NOC3L: variants seen among roughly 807,000 people sequenced by gnomAD.
The protein encoded by NOC3L is nucleolar complex protein 3 homolog.
NOC3L carries 85 observed loss-of-function variants against 102.5 expected under a neutral mutation model. The ratio of observed to expected loss-of-function variants is 0.83; its 90% confidence interval spans 0.70 to 0.99. NOC3L has a LOEUF of 0.99. NOC3L is among the 50% of genes least tolerant of loss of function. The pLI, the probability that NOC3L is intolerant of heterozygous loss-of-function variation, is 0.00. For synonymous variants in NOC3L, 303 were observed against 309.4 expected, an observed-to-expected ratio of 0.98 and a Z score of 0.22; for missense variants, 878 against 914.9, an observed-to-expected ratio of 0.96 and a Z score of 0.52.
chr10:94,349,461 AG>A, intron 9 of NOC3L, 83 bp from the exon 10 acceptor site: 3 of 1,272,454 alleles, frequency 2.4e-6, no homozygotes, highest in Non-Finnish European at 3.2e-6. Flanking sequence ...TCTTTGTTGT[AG>A]GGGGACTGTC....
chr10:94,325,992 T>C, the NOC3L span, among the ~76,000 whole-genome samples: 1 of 152,190 alleles, frequency 6.6e-6, no homozygotes, highest in Non-Finnish European at 1.5e-5. Context: ...GACTGCTTGA[T>C]AGTCACACAA....
intron 14 of NOC3L, among the ~76,000 whole-genome samples, chr10:94,340,763 C>T (rs374400818): frequency 1.6e-3 from 245 of 151,934 alleles, no homozygotes; most frequent in African/African-American, 5.1e-3. Flanking sequence ...GGGCAGATCA[C>T]GAGGTCAGGA....
chr10:94,339,368 T>C (rs567922253), intron 17 of NOC3L, among the ~76,000 whole-genome samples: 2 of 152,290 alleles, frequency 1.3e-5, no homozygotes, highest in East Asian at 1.9e-4. Context: ...GTAGTGACAT[T>C]ATAATGTGTT....
chr10:94,321,828 T>C, the NOC3L span: 1 of 1,145,252 alleles, frequency 8.7e-7, no homozygotes, highest in Non-Finnish European at 1.3e-6. Context: ...CAAGCTCAGA[T>C]TTTTGCTAGA....
chr10:94,345,177 C>A lies in NOC3L; in HGVS notation c.1390-244G>T, dbSNP rs115217284. Among the ~76,000 whole-genome samples, 1,075 of 152,092 alleles carry A rather than the reference C, an allele frequency of 7.1e-3. 10 individuals carry two copies. The highest frequency in any genetic ancestry group is 0.024 in the African/African-American group (1,016 of 41,512). ...GAGAAAAGAAATTCCTACTCTCTCA[C>A]CTATGGTTTCTTTCTTTTCCAGGAA... On this transcript the variant is annotated intron_variant, in intron 11 of 20. Transcript: ENST00000371361.
chr10:94,358,460 A>C (rs1325199833), intron 2 of NOC3L, among the ~76,000 whole-genome samples: 1 of 152,218 alleles, frequency 6.6e-6, no homozygotes, highest in African/African-American at 2.4e-5. Flanking sequence ...GGATGTTCTG[A>C]GTCTGGAAAA....
At chr10:94,354,923 T>C (rs774356372) in intron 6 of NOC3L, 40 bp downstream of exon 6, 11 of 1,593,556 alleles carry the variant, frequency 6.9e-6, no homozygotes, top group African/African-American at 6.7e-5. Flanking sequence ...ATTTACACCA[T>C]ACCTAATACA....
intron 10 of NOC3L, among the ~76,000 whole-genome samples, chr10:94,348,607 T>TA (rs2054376296): frequency 6.6e-6 from 1 of 151,734 alleles, no homozygotes; most frequent in Non-Finnish European, 1.5e-5. Context: ...TAAAAAAAGT[T>TA]TATATATATA....
At chr10:94,320,967 T>G in the NOC3L span, among the ~76,000 whole-genome samples, 1 of 152,242 alleles carries the variant, frequency 6.6e-6, no homozygotes, top group Non-Finnish European at 1.5e-5. Context: ...AAAGTTTGGT[T>G]TTTCTTATTG....
chr10:94,320,840 A>G, the NOC3L span, among the ~76,000 whole-genome samples: 13 of 152,328 alleles, frequency 8.5e-5, no homozygotes, highest in African/African-American at 3.1e-4. Flanking sequence ...ACATAGTCAC[A>G]TACACAAAAA....
intron 17 of NOC3L, among the ~76,000 whole-genome samples, chr10:94,339,226 T>C (rs1414404392): frequency 1.3e-5 from 2 of 152,150 alleles, no homozygotes; most frequent in African/African-American, 4.8e-5. Flanking sequence ...ACATGTACAA[T>C]AGGAACAAGA....
chr10:94,317,322 A>G, the NOC3L span, among the ~76,000 whole-genome samples: 3 of 152,184 alleles, frequency 2.0e-5, no homozygotes, highest in Non-Finnish European at 2.9e-5. Context: ...ATAAATAAAA[A>G]CATACCTTAT....
intron 9 of NOC3L, 113 bp from the exon 10 acceptor site, chr10:94,349,491 T>A: frequency 1.2e-6 from 1 of 854,850 alleles, no homozygotes; most frequent in Non-Finnish European, 1.7e-6. Context: ...TTTAAAAGCC[T>A]CCATGGACTT....
chr10:94,315,709 G>T, the NOC3L span, among the ~76,000 whole-genome samples: 2 of 148,834 alleles, frequency 1.3e-5, no homozygotes, highest in Non-Finnish European at 3.0e-5. Context: ...GGCGGAGGTT[G>T]CAGTGAGCCG....
At chr10:94,352,793 G>A (rs2054435801) in intron 7 of NOC3L, 103 bp downstream of exon 7, 3 of 989,224 alleles carry the variant, frequency 3.0e-6, no homozygotes, top group Non-Finnish European at 4.5e-6. Context: ...CTGCACTCTA[G>A]TCTGGGCGAC....
intron 9 of NOC3L, 62 bp from the exon 10 acceptor site, chr10:94,349,440 G>A: frequency 6.8e-7 from 1 of 1,461,688 alleles, no homozygotes; most frequent in Non-Finnish European, 9.2e-7. Flanking sequence ...TGACGTTTTG[G>A]GTAACAGAAT....
At position 94,352,525 on chromosome 10, in the gene NOC3L, C is replaced by T. The variant is rs2054431919; in HGVS notation, c.859-122G>A. On this transcript the variant is annotated intron_variant, in intron 7 of 20. Transcript: ENST00000371361. ...ATTTAAAAAAACAAAAAACAAAAAA[C>T]GCGGCAGTCGTTTAGGCCAGGCGTG... 2.6e-5 allele frequency: 17 copies of T among 659,804 alleles called. 1 individual carries two copies. The South Asian group carries it at 2.9e-4, about 11-fold the overall frequency. 40.9% of individuals were successfully genotyped at this position (659,804 alleles called of 1,614,324 possible).
In NOC3L at chr10:94,353,034, A is replaced by G. The variant is rs1473587194; in HGVS notation, c.720T>C (p.Arg240=). 17 of 1,605,240 alleles carry G rather than the reference A, an allele frequency of 1.1e-5. No individual in the cohort carries two copies. The highest frequency in any genetic ancestry group is 1.4e-5 in the Non-Finnish European group (17 of 1,177,830). The change falls in exon 7 of 21, where the codon CGT becomes CGC. Residue 240 remains arginine (R), a synonymous_variant. Transcript: ENST00000371361. ...CAGGATCTTGTTCCATCAACATAGA[A>G]CGTAATTCTTTCAATTTTTTAATCT... The part of the protein sequence containing the change: ...ENNIKKLKEL[R]SMLMEQDPDV...
chr10:94,360,408 C>T (rs2054539173), intron 2 of NOC3L, among the ~76,000 whole-genome samples: 1 of 152,130 alleles, frequency 6.6e-6, no homozygotes, highest in African/African-American at 2.4e-5. Flanking sequence ...ATCCTGTGTG[C>T]AACAACATGG....
Sources: gnomAD v4.1 joint callset for allele counts (sites outside exome capture counted in the v4.1 genomes callset) on GRCh38, gnomAD v4.1.1 for gene constraint, MANE v1.5 for transcripts, NCBI Gene and HGNC (gene_info 2026-07-23, HGNC 2026-07-21) for gene names.